The following FAM135A variants were observed in gnomAD, a reference collection of about 807,000 sequenced individuals.
The protein encoded by FAM135A is family with sequence similarity 135 member A.
FAM135A carries 79 observed loss-of-function variants against 146.8 expected under a neutral mutation model. That is an observed-to-expected ratio of 0.54 (90% CI 0.45 to 0.65). The LOEUF is 0.65. Ranked by LOEUF, FAM135A falls within the 30% of genes least tolerant of loss-of-function variation. FAM135A has a pLI of 0.00. For synonymous variants in FAM135A, 562 were observed against 603.6 expected, an observed-to-expected ratio of 0.93 and a Z score of 1.01; for missense variants, 1,623 against 1,758.2, an observed-to-expected ratio of 0.92 and a Z score of 1.38.
At position 70,417,558 on chromosome 6, in the gene FAM135A, T is replaced by C. The variant is rs961400780; in HGVS notation, c.-134+2182T>C. 2.0e-5 allele frequency: 19 copies of C among 952,598 alleles called. No individual in the cohort carries two copies. The African/African-American group carries it at 3.4e-4, about 17-fold the overall frequency. The allele number at this position is 952,598 out of a possible 1,614,324, so 59.0% of individuals were successfully genotyped here. A position where few individuals can be genotyped will look rare whatever the true frequency, so the allele number is the denominator to read the frequency against. ...TAAGTGTTATGAAATGTTCTTTTGC[T>C]ACTGGTCTTAATTTAACCTGAACTA... On this transcript the variant is annotated intron_variant, in intron 2 of 21. Transcript: ENST00000418814.
In FAM135A at chr6:70,421,521, G is replaced by A. The variant is rs931572240; in HGVS notation, c.-133-4918G>A. 2.1e-4 allele frequency among the ~76,000 whole-genome samples: 32 copies of A among 152,124 alleles called. 1 individual carries two copies. The East Asian group carries it at 3.3e-3, about 16-fold the overall frequency. Reference sequence around the variant, plus strand: ...GTATTAATAAGGTAGTTGTCAGATTGTTTACCCTATCAGGTTTGACTGGCA... The same window carrying A: ...GTATTAATAAGGTAGTTGTCAGATTATTTACCCTATCAGGTTTGACTGGCA... On this transcript the variant is annotated intron_variant, in intron 2 of 21. Coordinates refer to ENST00000418814, the MANE Select transcript of FAM135A (RefSeq NM_001162529.3).
chr6:70,504,335 T>G (rs1016233518), intron 12 of FAM135A: 1 of 152,234 alleles, frequency 6.6e-6, no homozygotes, highest in Non-Finnish European at 1.5e-5. Context: ...CTTCTTTATT[T>G]CTGATACTTT....
intron 4 of FAM135A, among the ~76,000 whole-genome samples, chr6:70,446,813 T>A (rs1775858474): frequency 6.6e-6 from 1 of 152,240 alleles, no homozygotes; most frequent in Non-Finnish European, 1.5e-5. Flanking sequence ...TGACAGGTTT[T>A]CAAACCTTGC....
intron 10 of FAM135A, among the ~76,000 whole-genome samples, chr6:70,488,865 G>A (rs1785258611): frequency 6.6e-6 from 1 of 152,028 alleles, no homozygotes; most frequent in Non-Finnish European, 1.5e-5. Flanking sequence ...TCAAGGGTCT[G>A]TTATATATGT....
rs750957377 is a variant in FAM135A, at chr6:70,524,601, C to CA, written c.1524dup (p.Leu509IlefsTer7). Reference sequence around the variant, plus strand: ...ATGAAAACAATGAAATCTGAAAACACAAAAAAATTAATAAAACAGAACTCT... The same window carrying CA: ...ATGAAAACAATGAAATCTGAAAACACAAAAAAAATTAATAAAACAGAACTCT... On this transcript the variant is annotated frameshift_variant, in exon 15 of 22. Transcript: ENST00000418814. LOFTEE classifies it high-confidence loss of function. 3.0e-5 allele frequency: 47 copies of CA among 1,541,812 alleles called. No individual in the cohort carries two copies. Among genetic ancestry groups the CA allele is most frequent in the South Asian group, 8.6e-5 (7 of 81,506 alleles).
chr6:70,441,399 A>G (rs568420163), intron 4 of FAM135A, among the ~76,000 whole-genome samples: 1 of 152,218 alleles, frequency 6.6e-6, no homozygotes, highest in African/African-American at 2.4e-5. Context: ...AAAAAGAAAA[A>G]AAAACATTGT....
rs1053500420 is a variant in FAM135A, at chr6:70,524,113, T to C, written c.1250T>C (p.Val417Ala). ...IIFEDRYLDS[V>A]TEDLDAPWMG... ...TTTGAAGATAGGTATTTAGATTCAG[T>C]TACTGAAGGTAAGTGTAATCTAACT... is the stretch of plus-strand genomic sequence containing the variant. Residue 417 changes from valine to alanine, a missense_variant, in exon 14 of 22, where the codon GTT becomes GCT. Val to Ala is a moderately conservative substitution (Grantham distance 64, BLOSUM62 0). Around this residue, in one of 7 missense-constraint regions of FAM135A, gnomAD observed 1,061 missense variants for 1,113.8 expected, o/e 0.95. Coordinates refer to ENST00000418814, the MANE Select transcript of FAM135A (RefSeq NM_001162529.3). 28 of 1,609,664 alleles carry C rather than the reference T, an allele frequency of 1.7e-5. No homozygotes were observed. Among genetic ancestry groups the C allele is most frequent in the Non-Finnish European group, 2.4e-5 (28 of 1,177,328 alleles).
Position 70,556,768 on chromosome 6 carries a change from A to G in FAM135A, c.4247A>G (p.Asn1416Ser). The G allele has an allele frequency of 6.2e-7, 1 of 1,606,590 alleles. No individual in the cohort carries two copies. The highest frequency in any genetic ancestry group is 8.5e-7 in the Non-Finnish European group (1 of 1,177,806). Reference sequence around the variant, plus strand: ...TTCACAGGGCTTCATTATTTCAAAAATGTTGTGCTAGTGGGATCCCTACAG... The same window carrying G: ...TTCACAGGGCTTCATTATTTCAAAAGTGTTGTGCTAGTGGGATCCCTACAG... ...SNKAGLHYFK[N>S]VVLVGSLQDR... Residue 1416 changes from asparagine (N) to serine (S), a missense_variant, in exon 21 of 22, where the codon AAT (asparagine) becomes AGT (serine). By Grantham distance (46) the Asn-to-Ser change is conservative. This residue lies in a region of FAM135A where 138 missense variants were observed against 174.1 expected (regional missense o/e 0.79). Coordinates refer to ENST00000418814, the MANE Select transcript of FAM135A (RefSeq NM_001162529.3).
chr6:70,448,917 C>T (rs1357530945), intron 4 of FAM135A, among the ~76,000 whole-genome samples: 1 of 152,130 alleles, frequency 6.6e-6, no homozygotes, highest in Non-Finnish European at 1.5e-5. Context: ...TGTTTCTTGC[C>T]CTCATTCTGG....
intron 12 of FAM135A, chr6:70,513,458 G>A (rs554484371): frequency 6.7e-6 from 1 of 149,870 alleles, no homozygotes; most frequent in South Asian, 2.1e-4. Context: ...GATCAATTTA[G>A]GGACAATTAC....
chr6:70,493,127 A>G (rs1015987030), intron 11 of FAM135A, among the ~76,000 whole-genome samples: 2 of 152,102 alleles, frequency 1.3e-5, no homozygotes, highest in Non-Finnish European at 2.9e-5. Flanking sequence ...TTCAGAAAAT[A>G]TTTATTAATC....
At chr6:70,445,573 A>G (rs1297112692) in intron 4 of FAM135A, among the ~76,000 whole-genome samples, 2 of 152,168 alleles carry the variant, frequency 1.3e-5, no homozygotes, top group Non-Finnish European at 2.9e-5. Context: ...CCCTTATGGG[A>G]AACAAAGGGA....
At chr6:70,414,117 G>A in intron 1 of FAM135A, 1 of 880,214 alleles carries the variant, frequency 1.1e-6, no homozygotes, top group Non-Finnish European at 1.4e-6. Flanking sequence ...CTTTTTGCCC[G>A]GGTGGTCCCT....
chr6:70,473,790 A>AGCT (rs1418985270), intron 5 of FAM135A, among the ~76,000 whole-genome samples: 7 of 152,006 alleles, frequency 4.6e-5, no homozygotes, highest in Non-Finnish European at 1.0e-4. Flanking sequence ...TAGTGTGTCA[A>AGCT]GCTGCTGCTG....
intron 10 of FAM135A, among the ~76,000 whole-genome samples, chr6:70,484,505 A>G (rs1451243732): frequency 2.0e-5 from 3 of 152,186 alleles, no homozygotes; most frequent in East Asian, 3.8e-4. Context: ...GCAGTCCCCA[A>G]CTTTTTTGGC....
intron 20 of FAM135A, among the ~76,000 whole-genome samples, chr6:70,541,445 T>C (rs188578325): frequency 7.9e-5 from 12 of 152,298 alleles, no homozygotes; most frequent in African/African-American, 2.6e-4. Flanking sequence ...TCTTGAAATA[T>C]TTTCCTTTCT....
At chr6:70,504,322 TTTC>T (rs1221527985) in intron 12 of FAM135A, 1 of 152,264 alleles carries the variant, frequency 6.6e-6, no homozygotes, top group East Asian at 1.9e-4. Flanking sequence ...AGATAACTTT[TTTC>T]TTCTTTATTT....
At chr6:70,431,161 C>T (rs536264027) in intron 4 of FAM135A, among the ~76,000 whole-genome samples, 6 of 152,246 alleles carry the variant, frequency 3.9e-5, no homozygotes, top group African/African-American at 1.2e-4. Context: ...GCACACACCA[C>T]TTCTAGGTAT....
chr6:70,465,083 A>G (rs1171414188), intron 5 of FAM135A, among the ~76,000 whole-genome samples: 1 of 151,836 alleles, frequency 6.6e-6, no homozygotes, highest in Non-Finnish European at 1.5e-5. Context: ...TTCTGTTTCT[A>G]TGAGTTTGAC....
Sources: gnomAD v4.1 joint callset for allele counts (sites outside exome capture counted in the v4.1 genomes callset) on GRCh38, gnomAD v4.1.1 for gene constraint, gnomAD v4.1.1 regional missense constraint, MANE v1.5 for transcripts, NCBI Gene and HGNC (gene_info 2026-07-23, HGNC 2026-07-21) for gene names.